The following NRXN3 variants were observed in gnomAD, a reference collection of about 807,000 sequenced individuals.
NRXN3 encodes neurexin 3, also known as neurexin III.
In NRXN3, 32 loss-of-function variants were observed where a neutral mutation model predicts 137.6. The observed-to-expected ratio is 0.23, with a 90% CI of 0.18 to 0.31. The LOEUF (loss-of-function observed/expected upper bound fraction) is 0.31, where lower values mean the gene tolerates loss of function less well. Ranked by LOEUF, NRXN3 falls within the 10% of genes least tolerant of loss-of-function variation. The pLI, the probability that NRXN3 is intolerant of heterozygous loss-of-function variation, is 1.00. For synonymous variants in NRXN3, 798 were observed against 784.5 expected (o/e 1.02, Z -0.29); for missense variants, 1,574 against 2,062.5 (o/e 0.76, Z 4.59).
chr14:79,204,255 C>T (rs2153221301), intron 15 of NRXN3, among the ~76,000 whole-genome samples: 1 of 151,874 alleles, frequency 6.6e-6, no homozygotes, highest in South Asian at 2.1e-4. Context: ...GAAGCTTCTT[C>T]TGCTTGCTCT....
At chr14:78,755,651 C>T (rs950592008) in intron 8 of NRXN3, among the ~76,000 whole-genome samples, 10 of 152,124 alleles carry the variant, frequency 6.6e-5, no homozygotes, top group African/African-American at 2.4e-4. Flanking sequence ...GCTCTAGGTG[C>T]AAAACATCTT....
chr14:78,479,206 T>G (rs1159211398), intron 4 of NRXN3, among the ~76,000 whole-genome samples: 1 of 152,170 alleles, frequency 6.6e-6, no homozygotes, highest in African/African-American at 2.4e-5. Flanking sequence ...CCACCTGCTC[T>G]CCCAAGAGGC....
intron 15 of NRXN3, among the ~76,000 whole-genome samples, chr14:79,055,626 G>C (rs534937409): frequency 6.6e-6 from 1 of 152,258 alleles, no homozygotes; most frequent in African/African-American, 2.4e-5. Flanking sequence ...ACGAGCAAGA[G>C]AGCAGTATAT....
intron 1 of NRXN3, among the ~76,000 whole-genome samples, chr14:78,227,904 T>C (rs766604900): frequency 6.6e-6 from 1 of 152,158 alleles, no homozygotes; most frequent in African/African-American, 2.4e-5. Context: ...CATGTTCTCA[T>C]GGCAAAGGAG....
intron 15 of NRXN3, among the ~76,000 whole-genome samples, chr14:79,031,230 G>A (rs529197545): frequency 5.3e-4 from 81 of 152,018 alleles, no homozygotes; most frequent in African/African-American, 1.9e-3. Context: ...TTATATAATC[G>A]AACTTTTATA....
intron 15 of NRXN3, among the ~76,000 whole-genome samples, chr14:79,428,948 T>C: frequency 6.6e-6 from 1 of 152,214 alleles, no homozygotes; most frequent in East Asian, 1.9e-4. Flanking sequence ...TTACTTTTTA[T>C]AGATTGTTAG....
intron 4 of NRXN3, among the ~76,000 whole-genome samples, chr14:78,485,273 C>T (rs1001243438): frequency 2.6e-5 from 4 of 152,184 alleles, no homozygotes; most frequent in Non-Finnish European, 5.9e-5. Flanking sequence ...GACAGAAAGC[C>T]ACTGGAGGAA....
At chr14:78,942,242 A>G (rs1046757656) in intron 10 of NRXN3, among the ~76,000 whole-genome samples, 1 of 152,134 alleles carries the variant, frequency 6.6e-6, no homozygotes, top group Non-Finnish European at 1.5e-5. Context: ...CTCTCTACCA[A>G]CCTGCTTCTT....
chr14:79,713,472 T>C (rs1293861175), intron 19 of NRXN3, among the ~76,000 whole-genome samples: 2 of 120,622 alleles, frequency 1.7e-5, no homozygotes, highest in Non-Finnish European at 3.5e-5. Context: ...CTGAGATATA[T>C]ATAATGTATA....
intron 8 of NRXN3, among the ~76,000 whole-genome samples, chr14:78,724,415 T>G (rs1011358284): frequency 1.3e-5 from 2 of 152,096 alleles, no homozygotes; most frequent in Admixed American, 6.5e-5. Flanking sequence ...CCAGGCAGAG[T>G]ATAAAGAGTT....
intron 1 of NRXN3, among the ~76,000 whole-genome samples, chr14:78,198,047 G>T (rs1020239165): frequency 6.6e-6 from 1 of 152,166 alleles, no homozygotes; most frequent in Non-Finnish European, 1.5e-5. Flanking sequence ...GGAAAGATAC[G>T]ACCAGGCCCT....
intron 19 of NRXN3, among the ~76,000 whole-genome samples, chr14:79,746,241 A>G (rs1005481642): frequency 7.2e-5 from 11 of 152,074 alleles, no homozygotes; most frequent in African/African-American, 2.7e-4. Flanking sequence ...GGCCCTCACA[A>G]CAGATGTACT....
At chr14:78,487,298 C>T (rs2095576647) in intron 4 of NRXN3, among the ~76,000 whole-genome samples, 1 of 152,126 alleles carries the variant, frequency 6.6e-6, no homozygotes, top group Non-Finnish European at 1.5e-5. Flanking sequence ...TGTGTCATTG[C>T]AACTCTGGAG....
chr14:79,317,036 G>T (rs1278285334), intron 15 of NRXN3, among the ~76,000 whole-genome samples: 5 of 151,996 alleles, frequency 3.3e-5, no homozygotes, highest in African/African-American at 1.2e-4. Context: ...TTCGAGACCA[G>T]CCTGGCTGAC....
At chr14:79,131,841 G>A (rs1038442069) in intron 15 of NRXN3, among the ~76,000 whole-genome samples, 20 of 152,240 alleles carry the variant, frequency 1.3e-4, no homozygotes, top group African/African-American at 3.4e-4. Context: ...CTCCGTGGGC[G>A]TAGGACCCTC....
chr14:79,653,564 CA>C (rs1260404881), intron 16 of NRXN3, among the ~76,000 whole-genome samples: 24 of 152,300 alleles, frequency 1.6e-4, no homozygotes, highest in African/African-American at 5.3e-4. Context: ...TATTTCTCTG[CA>C]TCTGCAGCTG....
chr14:78,409,164 G>A (rs938835170), intron 4 of NRXN3, among the ~76,000 whole-genome samples: 1 of 152,240 alleles, frequency 6.6e-6, no homozygotes, highest in Non-Finnish European at 1.5e-5. Context: ...CTACCAAGGA[G>A]CTCACAACCT....
rs560637119 is a variant in NRXN3 at position 79,791,643 on chromosome 14, T to TC, written c.4015-13463dup. The stretch of plus-strand genomic sequence containing the variant: ...AGCTTCCCAGTTCTTTTCTTGGCTT[T>TC]CCCCCCAACTTGCCACCTTATGGGC... On this transcript the variant is annotated intron_variant, in intron 19 of 20. Coordinates refer to ENST00000335750, the MANE Select transcript of NRXN3 (RefSeq NM_001330195.2). 1.3e-4 allele frequency among the ~76,000 whole-genome samples: 20 copies of TC among 151,756 alleles called. No individual in the cohort carries two copies. The East Asian group carries it at 3.9e-3, about 29-fold the overall frequency.
intron 10 of NRXN3, among the ~76,000 whole-genome samples, chr14:78,933,843 G>A (rs1421322162): frequency 6.6e-6 from 1 of 151,300 alleles, no homozygotes; most frequent in Non-Finnish European, 1.5e-5. Flanking sequence ...ATAGTCTCTA[G>A]ACTGTATAAT....
Sources: gnomAD v4.1 joint callset for allele counts (sites outside exome capture counted in the v4.1 genomes callset) on GRCh38, gnomAD v4.1.1 for gene constraint, MANE v1.5 for transcripts, NCBI Gene and HGNC (gene_info 2026-07-23, HGNC 2026-07-21) for gene names.